C1QTNF7: variants seen among roughly 807,000 people sequenced by gnomAD.
The protein encoded by C1QTNF7 is C1q and TNF related 7, also known as complement C1q tumor necrosis factor-related protein 7.
Under a neutral mutation model 19.6 loss-of-function variants are expected in C1QTNF7, and 15 were observed. That is an observed-to-expected ratio of 0.76 (90% CI 0.51 to 1.18). The LOEUF is 1.18. Among genes scored for constraint, C1QTNF7 ranks in the 50% most tolerant of loss-of-function variants. C1QTNF7 has a pLI of 0.00. For synonymous variants in C1QTNF7, 142 were observed against 137.5 expected (o/e 1.03, Z -0.23); for missense variants, 324 against 359.7 (o/e 0.90, Z 0.80).
chr4:15,348,274 A>G (rs1716784437), intron 1 of C1QTNF7, among the ~76,000 whole-genome samples: 2 of 152,182 alleles, frequency 1.3e-5, no homozygotes. Context: ...CAAAGGAGAC[A>G]ATTTCAGTGG....
At chr4:15,403,012 G>A (rs1719053181) in intron 1 of C1QTNF7, among the ~76,000 whole-genome samples, 1 of 148,050 alleles carries the variant, frequency 6.8e-6, no homozygotes, top group South Asian at 2.1e-4. Flanking sequence ...AAAATTCCTT[G>A]AAATTTTTAT....
chr4:15,339,860 A>C, upstream of C1QTNF7: 1 of 429,796 alleles, frequency 2.3e-6, no homozygotes, highest in East Asian at 5.0e-5. Context: ...ACTAGTGTAT[A>C]TATTAAGCTC....
intron 1 of C1QTNF7, among the ~76,000 whole-genome samples, chr4:15,414,435 G>A (rs893245509): frequency 1.3e-5 from 2 of 152,096 alleles, no homozygotes; most frequent in Non-Finnish European, 1.5e-5. Context: ...ATTGCCCAAT[G>A]ACATCTCATA....
intron 1 of C1QTNF7, among the ~76,000 whole-genome samples, chr4:15,390,607 T>A (rs562730851): frequency 6.6e-6 from 1 of 152,296 alleles, no homozygotes; most frequent in Non-Finnish European, 1.5e-5. Context: ...GAAATCTTAG[T>A]AAAGAATCTG....
At chr4:15,356,943 GT>G (rs199653260) in intron 1 of C1QTNF7, among the ~76,000 whole-genome samples, 3,608 of 126,734 alleles carry the variant, frequency 0.028, 42 homozygotes, top group Middle Eastern at 0.047. Flanking sequence ...TGATAAAGTT[GT>G]TTTTTTTTTT....
At chr4:15,377,648 C>A (rs4698103) in intron 1 of C1QTNF7, among the ~76,000 whole-genome samples, 73,043 of 151,970 alleles carry the variant, frequency 0.48, 19,180 homozygotes, top group African/African-American at 0.69. Flanking sequence ...ACTTGGTGTA[C>A]TGGGAACTTT....
rs544579379 is a variant in C1QTNF7, at chr4:15,348,136, C to A, written c.13+7929C>A. Among the ~76,000 whole-genome samples the A allele has an allele frequency of 3.9e-5, 6 of 152,258 alleles. No homozygotes were observed. In the South Asian group the frequency reaches 1.2e-3, roughly 32 times the overall value. On this transcript the variant is annotated intron_variant, in intron 1 of 2. Coordinates refer to the C1QTNF7 transcript ENST00000295297. ...GCTAATCTTTCTCTTTGCCTCTTTG[C>A]TATGGGGGATTTCCTCTCCCTGGAC...
chr4:15,339,923 T>C (rs1468963473), upstream of C1QTNF7: 6 of 561,714 alleles, frequency 1.1e-5, no homozygotes, highest in African/African-American at 1.9e-5. Context: ...ATTATAGAAG[T>C]TGGCAAGTCC....
chr4:15,405,002 G>A (rs1235763322), intron 1 of C1QTNF7, among the ~76,000 whole-genome samples: 2 of 152,156 alleles, frequency 1.3e-5, no homozygotes, highest in African/African-American at 2.4e-5. Flanking sequence ...AACAGAGTCA[G>A]TTCCCACTTT....
In C1QTNF7 at chr4:15,406,619, A is replaced by C. The variant is rs868353196; in HGVS notation, c.14-29117A>C. On this transcript the variant is annotated intron_variant, in intron 1 of 2. Coordinates refer to the C1QTNF7 transcript ENST00000295297. ...AGTTCACTAGAGGGATGCCTATTAC[A>C]ATGTTACTGGCAAAAACAAAAATTA... Among the ~76,000 whole-genome samples the C allele has an allele frequency of 1.1e-4, 16 of 152,318 alleles. No individual in the cohort carries two copies. The Middle Eastern group carries it at 0.014, about 130-fold the overall frequency.
intron 1 of C1QTNF7, among the ~76,000 whole-genome samples, chr4:15,433,083 T>G (rs1428314808): frequency 6.6e-6 from 1 of 152,192 alleles, no homozygotes; most frequent in Admixed American, 6.5e-5. Context: ...TCAACTTCTC[T>G]GCAGTTGCTT....
intron 1 of C1QTNF7, among the ~76,000 whole-genome samples, chr4:15,382,353 A>G (rs1416501103): frequency 6.6e-6 from 1 of 152,178 alleles, no homozygotes; most frequent in African/African-American, 2.4e-5. Context: ...ACAGATTTGC[A>G]TAGCCAAAAT....
intron 1 of C1QTNF7, among the ~76,000 whole-genome samples, chr4:15,421,957 A>G (rs1168453255): frequency 6.6e-6 from 1 of 152,156 alleles, no homozygotes; most frequent in Non-Finnish European, 1.5e-5. Context: ...GTAAGATTCT[A>G]TTTATATGAC....
chr4:15,428,495 CCTCTA>C (rs1288179993), intron 1 of C1QTNF7, among the ~76,000 whole-genome samples: 13 of 149,762 alleles, frequency 8.7e-5, no homozygotes, highest in Non-Finnish European at 1.2e-4. Flanking sequence ...CTTCATTGAG[CCTCTA>C]CTGTAGACTA....
chr4:15,403,847 T>C (rs1444230783), intron 1 of C1QTNF7, among the ~76,000 whole-genome samples: 2 of 152,224 alleles, frequency 1.3e-5, no homozygotes, highest in Non-Finnish European at 2.9e-5. Flanking sequence ...TTATGTTTTG[T>C]TCAAACAGGT....
chr4:15,432,550 C>T (rs903156331), intron 1 of C1QTNF7, among the ~76,000 whole-genome samples: 4 of 152,170 alleles, frequency 2.6e-5, no homozygotes, highest in Admixed American at 6.5e-5. Context: ...TGCACGCCAC[C>T]ATGCAGGGCT....
intron 1 of C1QTNF7, among the ~76,000 whole-genome samples, chr4:15,385,797 G>C (rs1718313318): frequency 6.6e-6 from 1 of 152,208 alleles, no homozygotes. Flanking sequence ...TTCAACAAGA[G>C]CGGGCTCGCT....
intron 1 of C1QTNF7, among the ~76,000 whole-genome samples, chr4:15,375,182 C>T (rs942669680): frequency 1.3e-5 from 2 of 151,968 alleles, no homozygotes; most frequent in African/African-American, 2.4e-5. Flanking sequence ...ATTGAAGGTG[C>T]TTTCTTCATT....
At chr4:15,350,519 C>G (rs2109287681) in intron 1 of C1QTNF7, among the ~76,000 whole-genome samples, 1 of 152,304 alleles carries the variant, frequency 6.6e-6, no homozygotes, top group East Asian at 1.9e-4. Context: ...ATTCCTCTCT[C>G]CATCTCTGGC....
Sources: allele counts gnomAD v4.1 joint callset (sites outside exome capture counted in the v4.1 genomes callset), GRCh38; gene constraint gnomAD v4.1.1; transcripts MANE v1.5; gene names NCBI Gene and HGNC (gene_info 2026-07-23, HGNC 2026-07-21).